Variants in HIP1 observed in about 807,000 individuals in gnomAD.
HIP1 encodes huntingtin-interacting protein 1.
A neutral mutation model predicts 147.6 loss-of-function variants in HIP1; 65 were observed. That is an observed-to-expected ratio of 0.44 (90% CI 0.36 to 0.54). HIP1 has a LOEUF of 0.54. Among genes scored for constraint, HIP1 ranks in the 20% least tolerant of loss-of-function variants. The pLI, the probability that HIP1 is intolerant of heterozygous loss-of-function variation, is 0.00. For synonymous variants in HIP1, 479 were observed against 504.0 expected (o/e 0.95, Z 0.67); for missense variants, 1,061 against 1,299.6 (o/e 0.82, Z 2.82).
intron 22 of HIP1, among the ~76,000 whole-genome samples, chr7:75,549,239 G>T (rs10230391): frequency 0.027 from 4,101 of 152,070 alleles, 201 homozygotes; most frequent in African/African-American, 0.094. Context: ...TGCCATCGCT[G>T]CCTCCCCCTG....
intron 1 of HIP1, among the ~76,000 whole-genome samples, chr7:75,605,461 G>A (rs1660474671): frequency 1.3e-5 from 2 of 152,178 alleles, no homozygotes; most frequent in African/African-American, 4.8e-5. Flanking sequence ...AGGGGAATGG[G>A]CCAGCAGTGG....
intron 1 of HIP1, among the ~76,000 whole-genome samples, chr7:75,700,682 C>T (rs902195281): frequency 5.9e-5 from 9 of 152,146 alleles, no homozygotes; most frequent in Admixed American, 4.6e-4. Context: ...AGAAACGTCT[C>T]CTGGGGTTAC....
intron 9 of HIP1, among the ~76,000 whole-genome samples, chr7:75,563,928 T>G (rs587669221): frequency 6.6e-6 from 1 of 152,218 alleles, no homozygotes; most frequent in Non-Finnish European, 1.5e-5. Context: ...GGTCTTGCTC[T>G]GTCACCCAGG....
intron 1 of HIP1, among the ~76,000 whole-genome samples, chr7:75,632,561 C>CTT (rs58364410): frequency 3.7e-5 from 5 of 134,288 alleles, no homozygotes; most frequent in Admixed American, 2.3e-4. Context: ...CTAATTTTTT[C>CTT]TTTTTTTTTT....
chr7:75,608,963 C>G (rs587602975), intron 1 of HIP1, among the ~76,000 whole-genome samples: 2 of 152,278 alleles, frequency 1.3e-5, no homozygotes, highest in East Asian at 3.9e-4. Flanking sequence ...CCTCTGTTCT[C>G]CTGAATGAGT....
At chr7:75,680,040 T>G (rs1161964256) in intron 1 of HIP1, among the ~76,000 whole-genome samples, 2 of 152,154 alleles carry the variant, frequency 1.3e-5, no homozygotes, top group African/African-American at 2.4e-5. Flanking sequence ...ATTGATTGAT[T>G]GATTCATTCA....
chr7:75,554,543 A>G lies in HIP1; in HGVS notation c.1964-17T>C, dbSNP rs953725930. Reference sequence around the variant, plus strand: ...GGAGGTGATCTGTGAGAGGGAACACAGGGCAAGGTCAGAGCAAGTTCTCAT... The same window carrying G: ...GGAGGTGATCTGTGAGAGGGAACACGGGGCAAGGTCAGAGCAAGTTCTCAT... On this transcript the variant is annotated splice_polypyrimidine_tract_variant and intron_variant, in intron 19 of 30. Transcript: ENST00000336926. The G allele has an allele frequency of 1.2e-6, 2 of 1,600,130 alleles. No individual in the cohort carries two copies. The highest frequency in any genetic ancestry group is 1.7e-6 in the Non-Finnish European group (2 of 1,167,836).
In HIP1 at chr7:75,541,903, C is replaced by T. The variant is rs75848794; in HGVS notation, c.2952+16G>A. On this transcript the variant is annotated intron_variant, in intron 29 of 30. Transcript: ENST00000336926. The stretch of plus-strand genomic sequence containing the variant: ...AGGCAATAGAGGCTATCTAGACTTA[C>T]AGATGGAGCTCTCACCTGAGAATCC... 1 of 1,589,994 alleles carries T rather than the reference C, an allele frequency of 6.3e-7. No individual in the cohort carries two copies. Among genetic ancestry groups the T allele is most frequent in the Non-Finnish European group, 8.6e-7 (1 of 1,157,978 alleles).
chr7:75,674,509 T>TTTTTTTTTG, intron 1 of HIP1, among the ~76,000 whole-genome samples: 1 of 59,658 alleles, frequency 1.7e-5, no homozygotes. Context: ...GTTTTTTTTT[T>TTTTTTTTTG]TGAGACAGAG....
chr7:75,603,750 G>A (rs1797103862), intron 1 of HIP1, among the ~76,000 whole-genome samples: 1 of 151,718 alleles, frequency 6.6e-6, no homozygotes, highest in Non-Finnish European at 1.5e-5. Flanking sequence ...GTGCACAACT[G>A]TAGTCCCAGC....
intron 1 of HIP1, among the ~76,000 whole-genome samples, chr7:75,719,831 C>A (rs1319741063): frequency 1.3e-5 from 2 of 152,160 alleles, no homozygotes; most frequent in Non-Finnish European, 2.9e-5. Context: ...CTGTCTGGTT[C>A]CAAAGTCCAG....
intron 1 of HIP1, among the ~76,000 whole-genome samples, chr7:75,703,008 T>A (rs1242573622): frequency 6.6e-6 from 1 of 151,982 alleles, no homozygotes; most frequent in Non-Finnish European, 1.5e-5. Flanking sequence ...ACATCCAAAC[T>A]GTAGCGGGAA....
At chr7:75,640,752 CAATAATAAT>C (rs139850457) in intron 1 of HIP1, among the ~76,000 whole-genome samples, 85 of 85,018 alleles carry the variant, frequency 1.0e-3, no homozygotes, top group Middle Eastern at 6.2e-3. Context: ...GACTCCATCT[CAATAATAAT>C]AATAATAATA....
intron 1 of HIP1, among the ~76,000 whole-genome samples, chr7:75,616,302 C>T (rs1254270069): frequency 6.6e-6 from 1 of 151,936 alleles, no homozygotes; most frequent in Non-Finnish European, 1.5e-5. Flanking sequence ...CAGAGTCTTG[C>T]TCTGTTGCCC....
chr7:75,718,480 T>G (rs2117371682), intron 1 of HIP1, among the ~76,000 whole-genome samples: 1 of 152,318 alleles, frequency 6.6e-6, no homozygotes, highest in South Asian at 2.1e-4. Flanking sequence ...GTATAACTAT[T>G]CGGTTCTGGT....
intron 1 of HIP1, among the ~76,000 whole-genome samples, chr7:75,723,045 C>A (rs1801545587): frequency 6.6e-6 from 1 of 152,156 alleles, no homozygotes; most frequent in Non-Finnish European, 1.5e-5. Flanking sequence ...GCAGGAGTTA[C>A]CTGTTATCCT....
At chr7:75,584,911 C>A (rs1444708135) in intron 5 of HIP1, among the ~76,000 whole-genome samples, 1 of 150,594 alleles carries the variant, frequency 6.6e-6, no homozygotes, top group Non-Finnish European at 1.5e-5. Flanking sequence ...TGCAGTGGCG[C>A]CATCTCGGCT....
At chr7:75,721,038 CAA>C (rs782224120) in intron 1 of HIP1, among the ~76,000 whole-genome samples, 43 of 70,820 alleles carry the variant, frequency 6.1e-4, no homozygotes, top group Middle Eastern at 0.013. Flanking sequence ...AACTCCATCT[CAA>C]AAAAAAAAAA....
At chr7:75,650,972 C>G (rs138207377) in intron 1 of HIP1, among the ~76,000 whole-genome samples, 1 of 152,280 alleles carries the variant, frequency 6.6e-6, no homozygotes, top group Non-Finnish European at 1.5e-5. Flanking sequence ...AAGGAAAACA[C>G]AGCCCTCTCC....
Sources: allele counts gnomAD v4.1 joint callset (sites outside exome capture counted in the v4.1 genomes callset), GRCh38; gene constraint gnomAD v4.1.1; transcripts MANE v1.5; gene names NCBI Gene and HGNC (gene_info 2026-07-23, HGNC 2026-07-21).